Variants in LTBP1 observed in about 807,000 individuals in gnomAD.
The protein encoded by LTBP1 is latent-transforming growth factor beta-binding protein 1.
In LTBP1, 129 loss-of-function variants were observed where a neutral mutation model predicts 207.6. That is an observed-to-expected ratio of 0.62 (90% CI 0.54 to 0.72). The LOEUF (loss-of-function observed/expected upper bound fraction) is 0.72. LTBP1 is among the 30% of genes least tolerant of loss of function. LTBP1 has a pLI of 0.00. For missense variants in LTBP1, 2,281 were observed against 2,217.2 expected (o/e 1.03, Z -0.58); for synonymous variants, 963 against 833.7 (o/e 1.16, Z -2.67).
chr2:33,033,421 A>G (rs113692001), intron 3 of LTBP1, among the ~76,000 whole-genome samples: 1 of 152,300 alleles, frequency 6.6e-6, no homozygotes, highest in African/African-American at 2.4e-5. Flanking sequence ...TGAATTGCAG[A>G]CAGCATGTAG....
At chr2:33,306,160 C>T (rs2094088549) in intron 22 of LTBP1, among the ~76,000 whole-genome samples, 1 of 152,202 alleles carries the variant, frequency 6.6e-6, no homozygotes, top group Non-Finnish European at 1.5e-5. Context: ...CTAACATATG[C>T]TCAGCTTTCT....
At chr2:33,301,407 G>A (rs1274464008) in intron 21 of LTBP1, 115 bp from the exon 22 acceptor site, 9 of 1,237,786 alleles carry the variant, frequency 7.3e-6, no homozygotes, top group Non-Finnish European at 9.9e-6. Flanking sequence ...ATACATGATG[G>A]TCATTACTTG....
chr2:33,039,178 A>G (rs1180048647), intron 3 of LTBP1, among the ~76,000 whole-genome samples: 1 of 152,132 alleles, frequency 6.6e-6, no homozygotes, highest in Non-Finnish European at 1.5e-5. Flanking sequence ...TGAGGGTTTG[A>G]TGAGAGAAAA....
At chr2:33,315,935 C>T (rs1416286688) in intron 24 of LTBP1, among the ~76,000 whole-genome samples, 2 of 151,956 alleles carry the variant, frequency 1.3e-5, no homozygotes, top group Non-Finnish European at 2.9e-5. Context: ...AAGACTCCGT[C>T]TAAAAAAGAA....
intron 3 of LTBP1, among the ~76,000 whole-genome samples, chr2:33,084,858 T>C (rs219101): frequency 0.78 from 119,372 of 152,126 alleles, 49,888 homozygotes; most frequent in East Asian, 0.98. Flanking sequence ...ACCAGGTTTC[T>C]GTGAGAAACA....
At chr2:33,352,059 T>C (rs578063677) in intron 26 of LTBP1, among the ~76,000 whole-genome samples, 62 of 152,320 alleles carry the variant, frequency 4.1e-4, no homozygotes, top group African/African-American at 1.5e-3. Flanking sequence ...GGGTGTCTTG[T>C]AAGCCTCTCT....
intron 11 of LTBP1, among the ~76,000 whole-genome samples, chr2:33,255,506 C>G (rs2092825714): frequency 6.6e-6 from 1 of 152,172 alleles, no homozygotes; most frequent in African/African-American, 2.4e-5. Context: ...GACTATAAAT[C>G]ATGCTGCTAT....
chr2:33,067,694 C>G lies in LTBP1; in HGVS notation c.864-42888C>G, dbSNP rs182363175. Among the ~76,000 whole-genome samples the G allele has an allele frequency of 2.0e-4, 31 of 152,106 alleles. No individual in the cohort carries two copies. In the East Asian group the frequency reaches 6.0e-3, roughly 29 times the overall value. Reference sequence around the variant, plus strand: ...TAATCTAGAGATTATTTAAAATATACAAGAGGATATGCATAGATTAGAAGC... The same window carrying G: ...TAATCTAGAGATTATTTAAAATATAGAAGAGGATATGCATAGATTAGAAGC... On this transcript the variant is annotated intron_variant, in intron 3 of 33. Coordinates refer to ENST00000404816, the MANE Select transcript of LTBP1 (RefSeq NM_206943.4).
intron 5 of LTBP1, among the ~76,000 whole-genome samples, chr2:33,161,629 G>A (rs140250711): frequency 2.3e-4 from 35 of 152,308 alleles, no homozygotes; most frequent in African/African-American, 7.0e-4. Context: ...GCACATGAAA[G>A]AATGGAGAAT....
intron 9 of LTBP1, among the ~76,000 whole-genome samples, chr2:33,235,772 A>T (rs2092014305): frequency 6.6e-6 from 1 of 152,230 alleles, no homozygotes; most frequent in South Asian, 2.1e-4. Context: ...CTGAAGCTGG[A>T]AACCATCATT....
At chr2:33,083,791 G>T (rs1052749405) in intron 3 of LTBP1, among the ~76,000 whole-genome samples, 7 of 152,186 alleles carry the variant, frequency 4.6e-5, no homozygotes, top group Non-Finnish European at 8.8e-5. Context: ...TCTAGAGGTC[G>T]AGAAACGATC....
intron 31 of LTBP1, among the ~76,000 whole-genome samples, chr2:33,378,313 C>T (rs2095170000): frequency 6.6e-6 from 1 of 151,530 alleles, no homozygotes; most frequent in African/African-American, 2.4e-5. Context: ...GAAACTTCTG[C>T]CTCCTGGGTT....
intron 22 of LTBP1, among the ~76,000 whole-genome samples, chr2:33,305,195 G>T (rs187951794): frequency 4.8e-4 from 73 of 152,162 alleles, no homozygotes; most frequent in Admixed American, 9.2e-4. Context: ...GTGGCGGCGT[G>T]TGCCTGTAGT....
At chr2:33,240,645 CTTTTTTTTTTT>C (rs869193074) in intron 9 of LTBP1, among the ~76,000 whole-genome samples, 4 of 100,818 alleles carry the variant, frequency 4.0e-5, no homozygotes, top group African/African-American at 1.6e-4. Flanking sequence ...TGGAAACATT[CTTTTTTTTTTT>C]TTTTTTTTTT....
intron 31 of LTBP1, among the ~76,000 whole-genome samples, chr2:33,372,796 G>A (rs1338210370): frequency 1.3e-5 from 2 of 152,122 alleles, no homozygotes; most frequent in Non-Finnish European, 2.9e-5. Context: ...CCCAGGAGGC[G>A]GAGGTTGCAG....
chr2:33,033,499 C>T (rs2075778998), intron 3 of LTBP1, among the ~76,000 whole-genome samples: 1 of 151,974 alleles, frequency 6.6e-6, no homozygotes, highest in Non-Finnish European at 1.5e-5. Context: ...TGTGAACAAT[C>T]AGATGCAAGC....
In LTBP1 at chr2:32,948,755, C is replaced by T. The variant is rs181767311; in HGVS notation, c.495-120C>T. On this transcript the variant is annotated intron_variant, in intron 1 of 33. Coordinates refer to ENST00000404816, the MANE Select transcript of LTBP1 (RefSeq NM_206943.4). ...GGCATCCAGGGTACCTGTTAGGACT[C>T]TCTCTCATCCAGAGGGTTGCAGAAG... 3.2e-4 allele frequency: 292 copies of T among 922,912 alleles called. No homozygotes were observed. The African/African-American group carries it at 4.1e-3, about 13-fold the overall frequency. 57.2% of individuals were successfully genotyped at this position (922,912 alleles called of 1,614,324 possible). A position where few individuals can be genotyped will look rare whatever the true frequency, so the allele number is the denominator to read the frequency against.
intron 4 of LTBP1, among the ~76,000 whole-genome samples, chr2:33,127,261 T>C (rs2081485776): frequency 6.6e-6 from 1 of 152,200 alleles, no homozygotes; most frequent in African/African-American, 2.4e-5. Context: ...AATTTAAATT[T>C]CGTGAAGTGT....
chr2:33,397,830 A>G (rs2095373809), intron 33 of LTBP1, among the ~76,000 whole-genome samples: 1 of 151,924 alleles, frequency 6.6e-6, no homozygotes, highest in African/African-American at 2.4e-5. Flanking sequence ...CCTCTTCTCC[A>G]TCTTGAAGCA....
Sources: gnomAD v4.1 joint callset for allele counts (sites outside exome capture counted in the v4.1 genomes callset) on GRCh38, gnomAD v4.1.1 for gene constraint, MANE v1.5 for transcripts, NCBI Gene and HGNC (gene_info 2026-07-23, HGNC 2026-07-21) for gene names.